Variants in ATXN2 observed in about 807,000 individuals in gnomAD.
The protein encoded by ATXN2 is ataxin 2, also known as ataxin-2.
ATXN2 carries 37 observed loss-of-function variants against 138.6 expected under a neutral mutation model. The ratio of observed to expected loss-of-function variants is 0.27; its 90% CI spans 0.21 to 0.35. The LOEUF (loss-of-function observed/expected upper bound fraction) is 0.35, where lower values mean the gene tolerates loss of function less well. ATXN2 is among the 10% of genes least tolerant of loss of function. The pLI is 1.00. For missense variants in ATXN2, 1,216 were observed against 1,480.3 expected (o/e 0.82, Z 2.93); for synonymous variants, 549 against 543.7 (o/e 1.01, Z -0.13).
chr12:111,567,249 C>T (rs1883061801), intron 1 of ATXN2, among the ~76,000 whole-genome samples: 1 of 152,100 alleles, frequency 6.6e-6, no homozygotes, highest in Non-Finnish European at 1.5e-5. Context: ...CACTTGTAAT[C>T]CCAGCACTTT....
chr12:111,565,347 G>A lies in ATXN2; in HGVS notation c.252-9428C>T, dbSNP rs994838974. Among the ~76,000 whole-genome samples, 9 of 152,110 alleles carry A rather than the reference G, an allele frequency of 5.9e-5. No individual in the cohort carries two copies. In the South Asian group the frequency reaches 6.2e-4, roughly 11 times the overall value. ...TTCCAGTAACATGTGCTCTCTTTGC[G>A]CCTGTGTCACATTCTCATAAATCTC... On this transcript the variant is annotated intron_variant, in intron 1 of 24. Transcript: ENST00000673436.
chr12:111,541,099 CAAAT>C lies in ATXN2; in HGVS notation c.571+11177_571+11180del, dbSNP rs1396912013. On this transcript the variant is annotated intron_variant, in intron 5 of 24. Coordinates refer to ENST00000673436, the MANE Select transcript of ATXN2 (RefSeq NM_001372574.1). ...AAGTCCTTCTCCACTCAAAATTAAA[CAAAT>C]TCACAGATTTGCTCCAGTGTAGTCT... Among the ~76,000 whole-genome samples the C allele has an allele frequency of 1.3e-5, 2 of 150,060 alleles. 1 individual carries two copies.
In ATXN2 at chr12:111,522,486, T is replaced by C. The variant is rs574922221; in HGVS notation, c.697-1513A>G. Among the ~76,000 whole-genome samples the C allele has an allele frequency of 1.6e-3, 238 of 151,950 alleles. 1 individual carries two copies. The highest frequency in any genetic ancestry group is 5.2e-3 in the African/African-American group (214 of 41,430). On this transcript the variant is annotated intron_variant, in intron 6 of 24. Coordinates refer to ENST00000673436, the MANE Select transcript of ATXN2 (RefSeq NM_001372574.1). ...TTAGCCAGGTGTGGTGGCGGGAGCC[T>C]GTAGTCCCAGCTACTTGGGAGGCTA...
At chr12:111,458,170 T>C (rs960099579) in intron 21 of ATXN2, 2 of 152,098 alleles carry the variant, frequency 1.3e-5, no homozygotes, top group Non-Finnish European at 2.9e-5. Flanking sequence ...TTTTTTGAGA[T>C]ATAAGTCTCA....
intron 1 of ATXN2, among the ~76,000 whole-genome samples, chr12:111,589,418 AG>A (rs1366709686): frequency 6.6e-6 from 1 of 152,158 alleles, no homozygotes; most frequent in Non-Finnish European, 1.5e-5. Context: ...AAATTGTTTG[AG>A]GTCAGGAATT....
intron 14 of ATXN2, among the ~76,000 whole-genome samples, chr12:111,489,485 C>T (rs894645777): frequency 6.6e-6 from 1 of 151,954 alleles, no homozygotes; most frequent in Non-Finnish European, 1.5e-5. Flanking sequence ...TGGTGGCAGG[C>T]GCCTATAGTC....
intron 21 of ATXN2, among the ~76,000 whole-genome samples, chr12:111,462,969 T>C (rs537314273): frequency 0.041 from 5,624 of 136,114 alleles, 349 homozygotes; most frequent in African/African-American, 0.15. Flanking sequence ...CATACATATA[T>C]ATATATATAC....
intron 14 of ATXN2, among the ~76,000 whole-genome samples, chr12:111,491,414 A>G (rs1273679555): frequency 4.6e-5 from 7 of 152,162 alleles, no homozygotes; most frequent in Non-Finnish European, 8.8e-5. Flanking sequence ...CTTGGGGTAC[A>G]TGTGACCCAC....
chr12:111,562,122 C>T (rs73414453), intron 1 of ATXN2, among the ~76,000 whole-genome samples: 15,079 of 148,752 alleles, frequency 0.1, 2,537 homozygotes, highest in African/African-American at 0.35. Context: ...CGAGACTCCA[C>T]CTTAAAAAAA....
At chr12:111,459,761 C>A (rs1875418110) in intron 21 of ATXN2, among the ~76,000 whole-genome samples, 1 of 134,136 alleles carries the variant, frequency 7.5e-6, no homozygotes, top group South Asian at 2.4e-4. Context: ...TTTTTGAGAC[C>A]CAGTCTTGCT....
chr12:111,599,266 G>T lies in ATXN2; in HGVS notation c.-232C>A. 1.7e-6 allele frequency: 2 copies of T among 1,189,442 alleles called. No individual in the cohort carries two copies. Among genetic ancestry groups the T allele is most frequent in the East Asian group, 3.9e-5 (1 of 25,916 alleles). The allele number at this position is 1,189,442 out of a possible 1,614,324, so 73.7% of individuals were successfully genotyped here. On this transcript the variant is annotated 5_prime_UTR_variant, in exon 1 of 25. Transcript: ENST00000673436. ...GGGAGCCGGGCCGAAACGCGCCGCC[G>T]CCGTTGCCGTTGCTACCAAAACAGT...
intron 1 of ATXN2, among the ~76,000 whole-genome samples, chr12:111,572,713 C>G (rs1240608220): frequency 1.3e-5 from 2 of 152,194 alleles, no homozygotes; most frequent in African/African-American, 4.8e-5. Context: ...ATTATTCTCT[C>G]AACTATTATA....
chr12:111,519,231 T>C (rs1880024570), intron 8 of ATXN2, among the ~76,000 whole-genome samples: 1 of 152,124 alleles, frequency 6.6e-6, no homozygotes, highest in Non-Finnish European at 1.5e-5. Context: ...ATTCACCCCA[T>C]CTCCTTCCAA....
At chr12:111,507,968 C>T (rs898957642) in intron 14 of ATXN2, among the ~76,000 whole-genome samples, 4 of 152,074 alleles carry the variant, frequency 2.6e-5, no homozygotes, top group African/African-American at 9.7e-5. Context: ...GCAGCATGCT[C>T]GTTAAGAGTC....
chr12:111,454,996 T>C (rs1392551676), intron 23 of ATXN2: 11 of 702,174 alleles, frequency 1.6e-5, no homozygotes, highest in African/African-American at 7.0e-5. Flanking sequence ...ACCTAAACTT[T>C]GCAGGGTGAG....
intron 5 of ATXN2, among the ~76,000 whole-genome samples, chr12:111,534,517 G>A (rs934954886): frequency 1.3e-4 from 20 of 152,134 alleles, no homozygotes; most frequent in African/African-American, 4.8e-4. Flanking sequence ...TGGGGGGGAC[G>A]CATTTCCTTA....
At chr12:111,462,280 T>C (rs1183922704) in intron 21 of ATXN2, among the ~76,000 whole-genome samples, 3 of 152,210 alleles carry the variant, frequency 2.0e-5, no homozygotes, top group Non-Finnish European at 4.4e-5. Flanking sequence ...TCTAAACATA[T>C]GATCAGTCAA....
intron 5 of ATXN2, among the ~76,000 whole-genome samples, chr12:111,544,556 T>TAC (rs755830181): frequency 1.3e-5 from 2 of 152,176 alleles, no homozygotes; most frequent in Non-Finnish European, 2.9e-5. Context: ...AGGGCAATGA[T>TAC]ACACACATGA....
intron 13 of ATXN2, 94 bp downstream of exon 13, chr12:111,509,797 G>C: frequency 9.3e-7 from 1 of 1,072,324 alleles, no homozygotes; most frequent in South Asian, 1.4e-5. Context: ...ATAGTAAGAA[G>C]AAATGTTGAA....
Sources: allele counts gnomAD v4.1 joint callset (sites outside exome capture counted in the v4.1 genomes callset), GRCh38; gene constraint gnomAD v4.1.1; transcripts MANE v1.5; gene names NCBI Gene and HGNC (gene_info 2026-07-23, HGNC 2026-07-21).